PRKCB: variants seen among roughly 807,000 people sequenced by gnomAD.
The protein encoded by PRKCB is protein kinase C beta, also known as protein kinase C beta type.
A neutral mutation model predicts 81.5 loss-of-function variants in PRKCB; 13 were observed. That is an observed-to-expected ratio of 0.16 (90% confidence interval 0.10 to 0.25). PRKCB has a LOEUF of 0.25. PRKCB is among the 10% of genes least tolerant of loss of function. The pLI, the probability that PRKCB is intolerant of heterozygous loss-of-function variation, is 1.00. For missense variants in PRKCB, 509 were observed against 875.7 expected, an observed-to-expected ratio of 0.58 and a Z score of 5.29; for synonymous variants, 335 against 321.4, an observed-to-expected ratio of 1.04 and a Z score of -0.45.
chr16:24,178,172 T>C (rs1048506667), intron 12 of PRKCB, among the ~76,000 whole-genome samples: 8 of 152,156 alleles, frequency 5.3e-5, no homozygotes, highest in Non-Finnish European at 7.3e-5. Context: ...ACTGGAGATG[T>C]TGGGTTGTGG....
At chr16:24,008,553 T>A (rs9934832) in intron 3 of PRKCB, among the ~76,000 whole-genome samples, 4 of 152,118 alleles carry the variant, frequency 2.6e-5, no homozygotes, top group African/African-American at 7.2e-5. Flanking sequence ...TGAATTTTTC[T>A]TTGTAAGCAG....
intron 2 of PRKCB, among the ~76,000 whole-genome samples, chr16:23,870,123 A>G (rs1433463571): frequency 6.6e-6 from 1 of 152,208 alleles, no homozygotes; most frequent in Non-Finnish European, 1.5e-5. Context: ...CTATGTTCCA[A>G]AAAGGAGTTT....
chr16:23,929,359 T>G (rs940550310), intron 2 of PRKCB, among the ~76,000 whole-genome samples: 1 of 152,114 alleles, frequency 6.6e-6, no homozygotes, highest in African/African-American at 2.4e-5. Context: ...ACGCATGAAC[T>G]CTTGAACCAG....
At chr16:24,210,362 C>G (rs534821743) in intron 16 of PRKCB, among the ~76,000 whole-genome samples, 2 of 152,156 alleles carry the variant, frequency 1.3e-5, no homozygotes, top group Admixed American at 6.5e-5. Context: ...TTTGCACTTG[C>G]TGCTCCCTCT....
At chr16:23,882,373 C>T (rs1963138191) in intron 2 of PRKCB, among the ~76,000 whole-genome samples, 1 of 151,556 alleles carries the variant, frequency 6.6e-6, no homozygotes, top group Non-Finnish European at 1.5e-5. Context: ...TGCACACTAC[C>T]ATGCCCAGTT....
intron 5 of PRKCB, among the ~76,000 whole-genome samples, chr16:24,038,535 G>C (rs1199647155): frequency 1.3e-5 from 2 of 152,256 alleles, no homozygotes; most frequent in Non-Finnish European, 2.9e-5. Flanking sequence ...GTGAGCACCT[G>C]GGCCTCTGGC....
At chr16:24,038,709 G>A (rs536429099) in intron 5 of PRKCB, among the ~76,000 whole-genome samples, 2 of 152,342 alleles carry the variant, frequency 1.3e-5, no homozygotes, top group South Asian at 4.1e-4. Flanking sequence ...GATTTATTGG[G>A]CTGCTCATGG....
intron 7 of PRKCB, among the ~76,000 whole-genome samples, chr16:24,110,115 G>A (rs1966653837): frequency 6.6e-5 from 6 of 91,420 alleles, no homozygotes; most frequent in African/African-American, 3.9e-4. Flanking sequence ...ACCGTGGGGA[G>A]AGGGAGAGGG....
At chr16:24,159,024 C>T (rs1967213117) in intron 10 of PRKCB, among the ~76,000 whole-genome samples, 1 of 152,202 alleles carries the variant, frequency 6.6e-6, no homozygotes, top group Admixed American at 6.5e-5. Context: ...GTTAGAATCC[C>T]TCCTGCAGGC....
intron 5 of PRKCB, among the ~76,000 whole-genome samples, chr16:24,052,069 C>T (rs1370991422): frequency 2.1e-5 from 3 of 144,856 alleles, no homozygotes; most frequent in African/African-American, 8.0e-5. Flanking sequence ...AGCGAGACTC[C>T]GTCTCAAAAA....
At chr16:24,116,992 A>G (rs1966743253) in intron 8 of PRKCB, among the ~76,000 whole-genome samples, 1 of 151,276 alleles carries the variant, frequency 6.6e-6, no homozygotes, top group South Asian at 2.1e-4. Flanking sequence ...CATGCAAGAA[A>G]TTGTGTCCCT....
chr16:24,012,499 T>C (rs956858613), intron 3 of PRKCB, among the ~76,000 whole-genome samples: 2 of 152,258 alleles, frequency 1.3e-5, no homozygotes, highest in African/African-American at 4.8e-5. Context: ...CCTGTCTCCC[T>C]GCTTCCTCTC....
Position 24,185,318 on chromosome 16 carries a change from G to T in PRKCB, c.1614+127G>T. 3.4e-6 allele frequency: 4 copies of T among 1,189,068 alleles called. No individual in the cohort carries two copies. The South Asian group carries it at 5.5e-5, about 16-fold the overall frequency. The allele number at this position is 1,189,068 out of a possible 1,614,324, so 73.7% of individuals were successfully genotyped here. A position where few individuals can be genotyped will look rare whatever the true frequency, so the allele number is the denominator to read the frequency against. On this transcript the variant is annotated intron_variant, in intron 14 of 16. Coordinates refer to ENST00000643927, the MANE Select transcript of PRKCB (RefSeq NM_002738.7). ...CCTCTATGACTTTCCCGGCCTTGGGGTCATACAAGTCTGTGGTCATTTGAA... is the reference window on the plus strand; with the variant it reads ...CCTCTATGACTTTCCCGGCCTTGGGTTCATACAAGTCTGTGGTCATTTGAA...
chr16:23,857,264 G>C (rs192506759), intron 2 of PRKCB, among the ~76,000 whole-genome samples: 1 of 152,196 alleles, frequency 6.6e-6, no homozygotes, highest in Non-Finnish European at 1.5e-5. Context: ...GAATGCTGGC[G>C]GAGAACTGTC....
intron 5 of PRKCB, among the ~76,000 whole-genome samples, chr16:24,079,734 A>G (rs546330084): frequency 9.2e-5 from 14 of 152,292 alleles, no homozygotes; most frequent in African/African-American, 3.4e-4. Context: ...ACTTTTAAAA[A>G]ATGTAATTGC....
chr16:24,092,808 C>T lies in PRKCB; in HGVS notation c.547C>T (p.Leu183Phe). 6.2e-7 allele frequency: 1 copy of T among 1,613,904 alleles called. No homozygotes were observed. Among genetic ancestry groups the T allele is most frequent in the Non-Finnish European group, 8.5e-7 (1 of 1,179,942 alleles). Reference protein sequence around the residue: ...LIVLVRDAKNLVPMDPNGLSD... With the variant: ...LIVLVRDAKNFVPMDPNGLSD... ...TTTTTCAGTAAGAGATGCTAAAAAC[C>T]TTGTACCTATGGACCCCAATGGCCT... Residue 183 changes from leucine (L) to phenylalanine (F), a missense_variant, in exon 6 of 17, where the codon CTT becomes TTT. By Grantham distance (22) the Leu-to-Phe change is conservative (BLOSUM62 0). Coordinates refer to ENST00000643927, the MANE Select transcript of PRKCB (RefSeq NM_002738.7).
At chr16:23,923,777 T>A (rs1441558237) in intron 2 of PRKCB, among the ~76,000 whole-genome samples, 1 of 152,100 alleles carries the variant, frequency 6.6e-6, no homozygotes, top group Non-Finnish European at 1.5e-5. Context: ...ACATTATTTC[T>A]GGTCCCAACC....
chr16:24,123,371 G>T (rs1346996637), intron 8 of PRKCB, among the ~76,000 whole-genome samples: 1 of 152,168 alleles, frequency 6.6e-6, no homozygotes, highest in African/African-American at 2.4e-5. Context: ...GGAAAGCCAG[G>T]TAGGGCCTAA....
chr16:24,113,204 CTT>C (rs1966696458), intron 8 of PRKCB, 135 bp downstream of exon 8: 2 of 580,188 alleles, frequency 3.4e-6, no homozygotes, highest in African/African-American at 4.7e-5. Context: ...CTTCCTCTCT[CTT>C]TTCTTTCCTT....
Sources: allele counts gnomAD v4.1 joint callset (sites outside exome capture counted in the v4.1 genomes callset), GRCh38; gene constraint gnomAD v4.1.1; transcripts MANE v1.5; gene names NCBI Gene and HGNC (gene_info 2026-07-23, HGNC 2026-07-21).